Variants in RBFOX1 observed in about 807,000 individuals in gnomAD.
RBFOX1 encodes the protein RNA binding fox-1 homolog 1, also known as RNA binding protein fox-1 homolog 1.
RBFOX1 carries 8 observed loss-of-function variants against 57.7 expected under a neutral mutation model. That is an observed-to-expected ratio of 0.14 (90% CI 0.08 to 0.25). The LOEUF is 0.25. Among genes scored for constraint, RBFOX1 ranks in the 10% least tolerant of loss-of-function variants. RBFOX1 has a pLI of 1.00. For synonymous variants in RBFOX1, 326 were observed against 222.4 expected (o/e 1.47, Z -4.15); for missense variants, 611 against 548.5 (o/e 1.11, Z -1.14).
intron 3 of RBFOX1, among the ~76,000 whole-genome samples, chr16:5,645,990 C>A (rs1478672662): frequency 6.6e-6 from 1 of 151,924 alleles, no homozygotes; most frequent in Non-Finnish European, 1.5e-5. Flanking sequence ...CAAGTACTAC[C>A]GCACCTGGCT....
rs539823020 is a variant in RBFOX1, at chr16:6,047,239, C to T, written c.-127+27247C>T. 7.0e-4 allele frequency among the ~76,000 whole-genome samples: 106 copies of T among 152,264 alleles called. 1 individual carries two copies. The highest frequency in any genetic ancestry group is 2.2e-3 in the Admixed American group (33 of 15,296). On this transcript the variant is annotated intron_variant, in intron 1 of 15. Coordinates refer to ENST00000550418, the MANE Select transcript of RBFOX1 (RefSeq NM_018723.4). Reference sequence around the variant, plus strand: ...GTGTGTGTATGTGCGTGTGTTTCCTCCTGCCAGCCCATGAGGTTAGCCAAC... The same window carrying T: ...GTGTGTGTATGTGCGTGTGTTTCCTTCTGCCAGCCCATGAGGTTAGCCAAC...
At chr16:6,496,197 C>T (rs1037169092) in intron 2 of RBFOX1, among the ~76,000 whole-genome samples, 6 of 152,102 alleles carry the variant, frequency 3.9e-5, no homozygotes, top group African/African-American at 7.2e-5. Flanking sequence ...AAGGCATGTG[C>T]ACTTTTTTTT....
At chr16:7,464,283 G>A (rs1412617558) in intron 4 of RBFOX1, among the ~76,000 whole-genome samples, 2 of 152,120 alleles carry the variant, frequency 1.3e-5, no homozygotes, top group Non-Finnish European at 2.9e-5. Context: ...TCCCCAGTAG[G>A]AGCCAGTGAC....
intron 1 of RBFOX1, among the ~76,000 whole-genome samples, chr16:6,063,485 ACACACACACACACACACACACC>A (rs992486796): frequency 8.7e-5 from 9 of 103,884 alleles, no homozygotes; most frequent in African/African-American, 2.5e-4. Context: ...ACACACACAC[ACACACACACACACACACACACC>A]CCCTTATATT....
At chr16:5,922,512 CA>C (rs766179937) in intron 4 of RBFOX1, among the ~76,000 whole-genome samples, 19 of 152,238 alleles carry the variant, frequency 1.2e-4, no homozygotes, top group Middle Eastern at 3.4e-3. Flanking sequence ...GAGGAGAGCC[CA>C]GGCACAGCAT....
intron 4 of RBFOX1, among the ~76,000 whole-genome samples, chr16:7,397,239 GT>G (rs2098156240): frequency 2.6e-5 from 4 of 152,192 alleles, no homozygotes. Context: ...GAAGACTTTA[GT>G]AAGATAGAAT....
chr16:5,681,752 G>A (rs1486567502), intron 3 of RBFOX1, among the ~76,000 whole-genome samples: 1 of 152,030 alleles, frequency 6.6e-6, no homozygotes, highest in Non-Finnish European at 1.5e-5. Context: ...AACGAGAAGG[G>A]GATATTTCAG....
chr16:5,701,730 G>T (rs2051056366), intron 3 of RBFOX1, among the ~76,000 whole-genome samples: 5 of 152,146 alleles, frequency 3.3e-5, no homozygotes, highest in Admixed American at 2.0e-4. Flanking sequence ...CACCACATCT[G>T]GCCAAGGTGG....
At chr16:6,030,913 G>A (rs2095278940) in intron 1 of RBFOX1, among the ~76,000 whole-genome samples, 1 of 152,150 alleles carries the variant, frequency 6.6e-6, no homozygotes, top group Admixed American at 6.5e-5. Context: ...TTAGGCACTG[G>A]GGATACTGTA....
chr16:6,927,909 C>A lies in RBFOX1; in HGVS notation c.-15-124148C>A, dbSNP rs572225016. Among the ~76,000 whole-genome samples, 4 of 152,334 alleles carry A rather than the reference C, an allele frequency of 2.6e-5. No homozygotes were observed. In the South Asian group the frequency reaches 8.3e-4, roughly 32 times the overall value. ...TAGCATACGCTAAACATCATCTAAA[C>A]ACTAAATATAATGATATAATGGCAT... On this transcript the variant is annotated intron_variant, in intron 3 of 15. Coordinates refer to ENST00000550418, the MANE Select transcript of RBFOX1 (RefSeq NM_018723.4).
chr16:6,765,311 A>T (rs1204960171), intron 3 of RBFOX1, among the ~76,000 whole-genome samples: 1 of 152,158 alleles, frequency 6.6e-6, no homozygotes, highest in African/African-American at 2.4e-5. Flanking sequence ...CTTTGTACTC[A>T]ACAAAATCCA....
chr16:6,179,213 T>G (rs2152784249), intron 1 of RBFOX1, among the ~76,000 whole-genome samples: 1 of 152,290 alleles, frequency 6.6e-6, no homozygotes. Flanking sequence ...TGGGGCTGTC[T>G]TCTCCCTTTA....
chr16:6,786,457 A>G (rs528323576), intron 3 of RBFOX1, among the ~76,000 whole-genome samples: 24 of 152,284 alleles, frequency 1.6e-4, no homozygotes, highest in Admixed American at 6.5e-4. Context: ...TTACAGGGAA[A>G]AAGCAGAAAA....
chr16:7,219,561 G>C (rs1031649264), intron 4 of RBFOX1, among the ~76,000 whole-genome samples: 5 of 152,188 alleles, frequency 3.3e-5, no homozygotes, highest in Non-Finnish European at 5.9e-5. Flanking sequence ...TTGCTATTTT[G>C]TAGTGCCCAG....
At chr16:6,676,439 G>A (rs1291649630) in intron 3 of RBFOX1, among the ~76,000 whole-genome samples, 1 of 152,098 alleles carries the variant, frequency 6.6e-6, no homozygotes, top group African/African-American at 2.4e-5. Context: ...TGCCAGGAAG[G>A]CAGTATAGCA....
chr16:7,206,344 C>G (rs932186970), intron 4 of RBFOX1, among the ~76,000 whole-genome samples: 4 of 151,836 alleles, frequency 2.6e-5, no homozygotes, highest in Non-Finnish European at 4.4e-5. Flanking sequence ...CTTTGCCTTG[C>G]CAAGTAAGCC....
chr16:5,737,840 T>C (rs1236378904), intron 3 of RBFOX1, among the ~76,000 whole-genome samples: 3 of 152,154 alleles, frequency 2.0e-5, no homozygotes, highest in African/African-American at 4.8e-5. Flanking sequence ...GTTTCTTTTT[T>C]TATTCTTTTA....
At chr16:7,211,920 C>A (rs768038931) in intron 4 of RBFOX1, among the ~76,000 whole-genome samples, 2 of 152,154 alleles carry the variant, frequency 1.3e-5, no homozygotes, top group Non-Finnish European at 2.9e-5. Flanking sequence ...CAGCTACCCA[C>A]AGGCGCCGTA....
In RBFOX1 at chr16:5,518,978, C is replaced by T. The variant is rs116888518; in HGVS notation, c.258+51724C>T. 8.7e-3 allele frequency among the ~76,000 whole-genome samples: 1,325 copies of T among 152,186 alleles called. 9 individuals are homozygous for T. Among genetic ancestry groups the T allele is most frequent in the Middle Eastern group, 0.031 (9 of 294 alleles). ...AGGTAACTAAGGTGGATGGGTGGCC[C>T]TCATCCATCCTGACTGCTGCTGTTA... On this transcript the variant is annotated intron_variant, in intron 2 of 2. Coordinates refer to the RBFOX1 transcript ENST00000585867.
Sources: allele counts gnomAD v4.1 joint callset (sites outside exome capture counted in the v4.1 genomes callset), GRCh38; gene constraint gnomAD v4.1.1; transcripts MANE v1.5; gene names NCBI Gene and HGNC (gene_info 2026-07-23, HGNC 2026-07-21).